The following LUZP2 variants were observed in gnomAD, a reference collection of about 807,000 sequenced individuals.
The protein encoded by LUZP2 is leucine zipper protein 2.
LUZP2 carries 52 observed loss-of-function variants against 51.6 expected under a neutral mutation model. That is an observed-to-expected ratio of 1.01 (90% confidence interval 0.81 to 1.27). The LOEUF is 1.27. Ranked by LOEUF, LUZP2 falls within the 50% of genes most tolerant of loss-of-function variation. LUZP2 has a pLI of 0.00. For synonymous variants in LUZP2, 154 were observed against 137.3 expected (o/e 1.12, Z -0.85); for missense variants, 436 against 395.4 (o/e 1.10, Z -0.87).
intron 1 of LUZP2, among the ~76,000 whole-genome samples, chr11:24,547,154 C>A (rs965674925): frequency 1.3e-5 from 2 of 151,010 alleles, no homozygotes; most frequent in African/African-American, 2.4e-5. Flanking sequence ...TCATAAGATT[C>A]TCTGATGGTT....
chr11:24,750,912 T>C (rs908652554), intron 4 of LUZP2, among the ~76,000 whole-genome samples: 2 of 152,214 alleles, frequency 1.3e-5, no homozygotes, highest in Admixed American at 6.5e-5. Context: ...AATCTATTTT[T>C]AAATGATATT....
At chr11:24,620,247 A>C (rs1854448286) in intron 1 of LUZP2, among the ~76,000 whole-genome samples, 1 of 147,090 alleles carries the variant, frequency 6.8e-6, no homozygotes, top group Non-Finnish European at 1.5e-5. Context: ...AATATTTTAC[A>C]GATTTTTGCC....
At chr11:24,664,121 A>C (rs748871641) in intron 1 of LUZP2, among the ~76,000 whole-genome samples, 176 of 152,220 alleles carry the variant, frequency 1.2e-3, no homozygotes, top group Non-Finnish European at 2.0e-3. Context: ...AAGAGCTTGG[A>C]GAACTCAGAA....
chr11:24,631,825 T>C (rs1197521473), intron 1 of LUZP2, among the ~76,000 whole-genome samples: 1 of 152,020 alleles, frequency 6.6e-6, no homozygotes, highest in Non-Finnish European at 1.5e-5. Flanking sequence ...TGGCTTTTCT[T>C]TTTTGAGAGA....
intron 9 of LUZP2, among the ~76,000 whole-genome samples, chr11:25,026,560 C>A (rs1029266615): frequency 2.6e-5 from 4 of 151,930 alleles, no homozygotes; most frequent in Admixed American, 2.6e-4. Flanking sequence ...TTAATTTTTA[C>A]AAATGTCCAG....
intron 7 of LUZP2, among the ~76,000 whole-genome samples, chr11:24,932,326 C>T (rs1335515278): frequency 2.0e-5 from 3 of 152,066 alleles, no homozygotes; most frequent in African/African-American, 4.8e-5. Context: ...GGAGAATATT[C>T]GGGTGTCTCA....
intron 1 of LUZP2, among the ~76,000 whole-genome samples, chr11:24,579,686 T>C (rs969072818): frequency 2.0e-5 from 3 of 152,026 alleles, no homozygotes; most frequent in African/African-American, 7.3e-5. Flanking sequence ...TATAATACAT[T>C]GATTAGGTAT....
At chr11:24,660,635 T>A (rs1855987528) in intron 1 of LUZP2, among the ~76,000 whole-genome samples, 1 of 152,138 alleles carries the variant, frequency 6.6e-6, no homozygotes, top group Non-Finnish European at 1.5e-5. Context: ...AAAATGTGCA[T>A]GAAATATTTT....
chr11:24,897,552 T>G (rs1158661901), intron 5 of LUZP2, among the ~76,000 whole-genome samples: 1 of 152,060 alleles, frequency 6.6e-6, no homozygotes, highest in East Asian at 1.9e-4. Flanking sequence ...CGCGAAGGTC[T>G]GCAGTTTCAC....
At chr11:25,050,959 C>T (rs1858492078) in intron 10 of LUZP2, among the ~76,000 whole-genome samples, 1 of 152,036 alleles carries the variant, frequency 6.6e-6, no homozygotes. Flanking sequence ...TGAACTTTGG[C>T]AAAATTGAGC....
At chr11:24,909,143 T>A (rs977823340) in intron 6 of LUZP2, among the ~76,000 whole-genome samples, 1 of 151,482 alleles carries the variant, frequency 6.6e-6, no homozygotes, top group Non-Finnish European at 1.5e-5. Context: ...TAAAACATTT[T>A]TTAAAAATAT....
chr11:24,950,803 T>A (rs989320604), intron 7 of LUZP2, among the ~76,000 whole-genome samples: 1 of 151,384 alleles, frequency 6.6e-6, no homozygotes, highest in Non-Finnish European at 1.5e-5. Flanking sequence ...ATTTTAGTAC[T>A]TTTTTTTGAG....
chr11:24,809,978 G>A (rs541682207), intron 5 of LUZP2, among the ~76,000 whole-genome samples: 1 of 152,268 alleles, frequency 6.6e-6, no homozygotes, highest in East Asian at 1.9e-4. Flanking sequence ...CAAAAGCATA[G>A]TGAAGTCCAG....
At chr11:24,755,019 C>T (rs959251183) in intron 4 of LUZP2, among the ~76,000 whole-genome samples, 1 of 151,736 alleles carries the variant, frequency 6.6e-6, no homozygotes, top group Non-Finnish European at 1.5e-5. Context: ...AGTGGCGGGG[C>T]TTGTAATCCC....
intron 1 of LUZP2, among the ~76,000 whole-genome samples, chr11:24,692,175 C>A (rs1421168291): frequency 6.6e-6 from 1 of 151,720 alleles, no homozygotes; most frequent in African/African-American, 2.4e-5. Context: ...AATTCTAAAG[C>A]AATCTAATAT....
intron 3 of LUZP2, among the ~76,000 whole-genome samples, chr11:24,737,248 G>T (rs1858977123): frequency 6.6e-6 from 1 of 152,048 alleles, no homozygotes; most frequent in Non-Finnish European, 1.5e-5. Context: ...CTACCATTGT[G>T]CCCTTGTTTT....
chr11:24,897,468 G>A (rs190563193), intron 5 of LUZP2, among the ~76,000 whole-genome samples: 6 of 152,168 alleles, frequency 3.9e-5, no homozygotes, highest in East Asian at 3.9e-4. Context: ...TGAACCCACC[G>A]GGAGGAATGA....
At chr11:24,933,788 A>C (rs1178968943) in intron 7 of LUZP2, among the ~76,000 whole-genome samples, 1 of 152,184 alleles carries the variant, frequency 6.6e-6, no homozygotes, top group Admixed American at 6.5e-5. Flanking sequence ...ACCTGGGTGC[A>C]GGAGGGTTGA....
intron 1 of LUZP2, among the ~76,000 whole-genome samples, chr11:24,642,798 G>T (rs1368195139): frequency 6.7e-6 from 1 of 149,524 alleles, no homozygotes; most frequent in Non-Finnish European, 1.5e-5. Context: ...CAGGGTGGAA[G>T]TTATTGAATG....
Sources: gnomAD v4.1 joint callset for allele counts (sites outside exome capture counted in the v4.1 genomes callset) on GRCh38, gnomAD v4.1.1 for gene constraint, MANE v1.5 for transcripts, NCBI Gene and HGNC (gene_info 2026-07-23, HGNC 2026-07-21) for gene names.